CEP57L1: variants seen among roughly 807,000 people sequenced by gnomAD.
CEP57L1 encodes centrosomal protein CEP57L1.
A neutral mutation model predicts 61.0 loss-of-function variants in CEP57L1; 37 were observed. The observed-to-expected ratio is 0.61, with a 90% CI of 0.47 to 0.80. The LOEUF is 0.80. Among genes scored for constraint, CEP57L1 ranks in the 30% least tolerant of loss-of-function variants. CEP57L1 has a pLI of 0.00. For missense variants in CEP57L1, 422 were observed against 524.7 expected, an observed-to-expected ratio of 0.80 and a Z score of 1.91; for synonymous variants, 137 against 162.3, an observed-to-expected ratio of 0.84 and a Z score of 1.19.
At chr6:109,153,731 AT>A in intron 4 of CEP57L1, 101 bp from the exon 5 acceptor site, 1 of 736,764 alleles carries the variant, frequency 1.4e-6, no homozygotes, top group African/African-American at 1.8e-5. Context: ...GTTTCTTAAG[AT>A]ATTTATATTG....
In CEP57L1 at chr6:109,143,980, G is replaced by GT. The variant is rs1317176407; in HGVS notation, c.-3-1233dup. On this transcript the variant is annotated intron_variant, in intron 1 of 10. Transcript: ENST00000517392. ...CAGCTGTGACTAATGTTGATCTCTT[G>GT]TTTTTTGAGGGAACAACAACTTAGA... is the stretch of plus-strand genomic sequence containing the variant. 3.3e-5 allele frequency among the ~76,000 whole-genome samples: 5 copies of GT among 152,200 alleles called. No homozygotes were observed. The East Asian group carries it at 9.6e-4, about 29-fold the overall frequency.
intron 1 of CEP57L1, among the ~76,000 whole-genome samples, chr6:109,140,127 C>G (rs1411995430): frequency 6.6e-6 from 1 of 152,094 alleles, no homozygotes; most frequent in South Asian, 2.1e-4. Flanking sequence ...GAGTCTCACT[C>G]TGTCACCCAG....
intron 1 of CEP57L1, among the ~76,000 whole-genome samples, chr6:109,131,255 G>A (rs988230081): frequency 3.3e-5 from 5 of 152,052 alleles, no homozygotes; most frequent in Non-Finnish European, 5.9e-5. Context: ...TTCCTATAAA[G>A]TCATTGCATA....
At chr6:109,145,135 A>C in intron 1 of CEP57L1, 84 bp from the exon 2 acceptor site, 1 of 802,766 alleles carries the variant, frequency 1.2e-6, no homozygotes, top group Admixed American at 2.7e-5. Flanking sequence ...TTATGTTTTT[A>C]AAGTTTCACC....
At chr6:109,124,035 C>T (rs1459003726) in intron 1 of CEP57L1, among the ~76,000 whole-genome samples, 1 of 151,882 alleles carries the variant, frequency 6.6e-6, no homozygotes, top group Non-Finnish European at 1.5e-5. Context: ...CGCACCATTG[C>T]ACTCCAGCCC....
At chr6:109,117,487 G>T (rs948783717) in intron 1 of CEP57L1, among the ~76,000 whole-genome samples, 1 of 152,158 alleles carries the variant, frequency 6.6e-6, no homozygotes. Flanking sequence ...CTACTATGAC[G>T]AAAGCAACAT....
chr6:109,095,278 T>C, upstream of CEP57L1: 1 of 985,812 alleles, frequency 1.0e-6, no homozygotes, highest in Non-Finnish European at 1.2e-6. Flanking sequence ...CACTGAGACT[T>C]CGTCACACAT....
chr6:109,100,384 A>G (rs191372013), intron 1 of CEP57L1: 1 of 152,250 alleles, frequency 6.6e-6, no homozygotes, highest in East Asian at 1.9e-4. Flanking sequence ...TTCGTCCTAA[A>G]AAAAACAAAG....
intron 4 of CEP57L1, among the ~76,000 whole-genome samples, chr6:109,153,116 A>AAAAAGAAAAG (rs372166470): frequency 6.6e-6 from 1 of 151,736 alleles, no homozygotes; most frequent in African/African-American, 2.4e-5. Flanking sequence ...CTCAAAAAAA[A>AAAAAGAAAAG]AAAAGAAAAG....
Position 109,163,928 on chromosome 6 carries a change from T to C in CEP57L1, c.*958T>C, listed in dbSNP as rs1406404186. On this transcript the variant is annotated 3_prime_UTR_variant, in exon 11 of 11. Transcript: ENST00000517392. The stretch of plus-strand genomic sequence containing the variant: ...TTTTCTGGAAGCCTATGGGAACTAG[T>C]ACAACTCTTCTGAACTCTTGGTTTC... The C allele has an allele frequency of 6.6e-6, 1 of 152,202 alleles. No individual in the cohort carries two copies. The highest frequency in any genetic ancestry group is 1.5e-5 in the Non-Finnish European group (1 of 68,044). The allele number at this position is 152,202 out of a possible 1,614,324, so 9.4% of individuals were successfully genotyped here. A position where few individuals can be genotyped will look rare whatever the true frequency, so the allele number is the denominator to read the frequency against.
rs530628800 is a variant in CEP57L1 at position 109,153,116 on chromosome 6, A to AAAAGAAAAG, written c.463-714_463-713insGAAAAGAAA. ...ACAGCAAGACTCTGTCTCAAAAAAA[A>AAAAGAAAAG]AAAAGAAAAGAAAAGAAAAGAAAAG... On this transcript the variant is annotated intron_variant, in intron 4 of 10. Transcript: ENST00000517392. Among the ~76,000 whole-genome samples the AAAAGAAAAG allele has an allele frequency of 7.5e-3, 1,138 of 151,732 alleles. 19 individuals carry two copies. The highest frequency in any genetic ancestry group is 0.026 in the African/African-American group (1,094 of 41,380).
chr6:109,117,721 C>T (rs1417655942), intron 1 of CEP57L1, among the ~76,000 whole-genome samples: 1 of 152,138 alleles, frequency 6.6e-6, no homozygotes, highest in African/African-American at 2.4e-5. Context: ...AGATTCTCAA[C>T]ATTAATTTTA....
chr6:109,131,683 TA>T lies in CEP57L1; in HGVS notation c.-3-13528del, dbSNP rs142438773. ...ATTTTTAAATGCTGGATAAAATACT[TA>T]AAAAAAATTTTTTTAAGTATGCTTG... On this transcript the variant is annotated intron_variant, in intron 1 of 10. Transcript: ENST00000517392. Among the ~76,000 whole-genome samples the T allele has an allele frequency of 8.5e-3, 1,282 of 151,704 alleles. 24 individuals are homozygous for T. The highest frequency in any genetic ancestry group is 0.029 in the African/African-American group (1,207 of 41,252).
intron 1 of CEP57L1, among the ~76,000 whole-genome samples, chr6:109,107,942 A>G (rs1771124926): frequency 6.6e-6 from 1 of 152,180 alleles, no homozygotes; most frequent in Non-Finnish European, 1.5e-5. Flanking sequence ...CTCTGTATCA[A>G]AAAAAAGAAA....
Position 109,128,713 on chromosome 6 carries a change from C to T in CEP57L1, c.-3-16506C>T, listed in dbSNP as rs75019134. Among the ~76,000 whole-genome samples, 1,257 of 152,322 alleles carry T rather than the reference C, an allele frequency of 8.3e-3. 23 individuals carry two copies. Among genetic ancestry groups the T allele is most frequent in the African/African-American group, 0.029 (1,210 of 41,562 alleles). ...GTTTTTTACTGCCAACATTTATTCA[C>T]TATACTCCAAACAAATTCACTAGGA... On this transcript the variant is annotated intron_variant, in intron 1 of 10. Coordinates refer to ENST00000517392, the MANE Select transcript of CEP57L1 (RefSeq NM_001271852.3).
At chr6:109,099,313 G>A (rs1782089327) in intron 1 of CEP57L1, among the ~76,000 whole-genome samples, 1 of 152,114 alleles carries the variant, frequency 6.6e-6, no homozygotes, top group Non-Finnish European at 1.5e-5. Flanking sequence ...AGCAGCCAGT[G>A]AGCAGAGAAA....
At position 109,170,235 on chromosome 6, in the gene CEP57L1, A is replaced by T. The variant is rs1253556063; in HGVS notation, c.*7265A>T. Among the ~76,000 whole-genome samples the T allele has an allele frequency of 6.6e-6, 1 of 152,196 alleles. No individual in the cohort carries two copies. Among genetic ancestry groups the T allele is most frequent in the Non-Finnish European group, 1.5e-5 (1 of 68,020 alleles). On this transcript the variant is annotated 3_prime_UTR_variant, in exon 11 of 11. Transcript: ENST00000517392. ...ACAAATTACTAAAGTTAACCTAAAC[A>T]ATTAAAGAAAGAAATCTTAGTCTTT...
intron 1 of CEP57L1, chr6:109,100,114 T>C (rs962283777): frequency 6.6e-6 from 1 of 152,220 alleles, no homozygotes; most frequent in African/African-American, 2.4e-5. Context: ...GTGTGTTTAT[T>C]TCAGTAGAGC....
chr6:109,121,191 A>G (rs370821684), intron 1 of CEP57L1, among the ~76,000 whole-genome samples: 5 of 152,120 alleles, frequency 3.3e-5, no homozygotes, highest in African/African-American at 1.2e-4. Context: ...ACACTTTTGG[A>G]TTATGAAACT....
Sources: gnomAD v4.1 joint callset for allele counts (sites outside exome capture counted in the v4.1 genomes callset) on GRCh38, gnomAD v4.1.1 for gene constraint, MANE v1.5 for transcripts, NCBI Gene and HGNC (gene_info 2026-07-23, HGNC 2026-07-21) for gene names.